HPD: variants seen among roughly 807,000 people sequenced by gnomAD.
HPD encodes 4-hydroxyphenylpyruvate dioxygenase.
HPD carries 35 observed loss-of-function variants against 56.9 expected under a neutral mutation model. That is an observed-to-expected ratio of 0.62 (90% CI 0.47 to 0.82). HPD has a LOEUF of 0.82. HPD is among the 40% of genes least tolerant of loss of function. The pLI is 0.00. For missense variants in HPD, 442 were observed against 506.8 expected (o/e 0.87, Z 1.23); for synonymous variants, 186 against 200.2 (o/e 0.93, Z 0.60).
upstream of HPD, among the ~76,000 whole-genome samples, chr12:121,862,067 T>C (rs1288148905): frequency 6.6e-6 from 1 of 152,108 alleles, no homozygotes; most frequent in East Asian, 1.9e-4. Flanking sequence ...GCTGTTTCAG[T>C]GTCAGCATGA....
upstream of HPD, among the ~76,000 whole-genome samples, chr12:121,861,167 C>CTTGTTTTT (rs1878163126): frequency 3.3e-5 from 5 of 152,114 alleles, no homozygotes; most frequent in South Asian, 1.0e-3. Context: ...GAAACACCGT[C>CTTGTTTTT]TCTACTAAAA....
At chr12:121,858,969 A>G, upstream of HPD, 1 of 873,546 alleles carries the variant, frequency 1.1e-6, no homozygotes, top group Non-Finnish European at 1.9e-6. Context: ...GGAAGGTTCC[A>G]GGCCTGGGGA....
chr12:121,879,624 T>C, the HPD span, among the ~76,000 whole-genome samples: 1 of 152,030 alleles, frequency 6.6e-6, no homozygotes, highest in Non-Finnish European at 1.5e-5. Context: ...GATCCTCCCA[T>C]CTCGGCCTGA....
intron 7 of HPD, 77 bp downstream of exon 7, chr12:121,854,626 A>T: frequency 1.0e-6 from 1 of 992,488 alleles, no homozygotes; most frequent in Non-Finnish European, 1.6e-6. Flanking sequence ...GGATGGTTTG[A>T]TGGAGTCAGC....
rs144416002 is a variant in HPD, at chr12:121,846,880, G to A, written c.813C>T (p.Thr271=). 609 of 1,614,084 alleles carry A rather than the reference G, an allele frequency of 3.8e-4. 2 individuals are homozygous for A. In the African/African-American group the frequency reaches 7.3e-3, roughly 19 times the overall value. The change falls in exon 11 of 14, where the codon ACC becomes ACT. Residue 271 remains threonine, a synonymous_variant. Transcript: ENST00000289004. The part of the protein sequence containing the change: ...GAGVQHIALK[T]EDIITAIRHL... The stretch of plus-strand genomic sequence containing the variant: ...TTCTAACCGCTGTGATGATGTCTTC[G>A]GTCTTGAGAGCGATGTGCTGGACCC...
Position 121,842,384 on chromosome 12 carries a change from A to G in HPD, c.954+1326T>C, listed in dbSNP as rs185121529. On this transcript the variant is annotated intron_variant, in intron 12 of 13. Transcript: ENST00000289004. ...GGCCTCAAGCAATCCTCTCACTTCAACCTCCCAAAATGCTGGGATTATAGG... is the reference window on the plus strand; with the variant it reads ...GGCCTCAAGCAATCCTCTCACTTCAGCCTCCCAAAATGCTGGGATTATAGG... Among the ~76,000 whole-genome samples the G allele has an allele frequency of 3.0e-4, 46 of 151,336 alleles. 1 individual carries two copies. The East Asian group carries it at 7.8e-3, about 26-fold the overall frequency.
At chr12:121,852,217 A>C (rs554861155) in intron 7 of HPD, among the ~76,000 whole-genome samples, 1 of 151,830 alleles carries the variant, frequency 6.6e-6, no homozygotes, top group East Asian at 1.9e-4. Context: ...ATGGGGTCTC[A>C]CTTTGTTGCG....
At chr12:121,870,755 C>T in the HPD span, among the ~76,000 whole-genome samples, 1 of 151,772 alleles carries the variant, frequency 6.6e-6, no homozygotes, top group Admixed American at 6.6e-5. Flanking sequence ...TGCCACCACA[C>T]CTGGCTAATT....
the HPD span, among the ~76,000 whole-genome samples, chr12:121,869,522 C>G: frequency 2.7e-5 from 4 of 150,828 alleles, no homozygotes; most frequent in African/African-American, 9.8e-5. Context: ...AATCCCTTAT[C>G]GAATATATTT....
At chr12:121,850,536 C>T (rs534405224) in intron 7 of HPD, among the ~76,000 whole-genome samples, 8 of 146,962 alleles carry the variant, frequency 5.4e-5, no homozygotes, top group African/African-American at 1.8e-4. Flanking sequence ...TGCATTGGCA[C>T]GATCTCGGCT....
At chr12:121,877,637 G>A in the HPD span, among the ~76,000 whole-genome samples, 1 of 152,158 alleles carries the variant, frequency 6.6e-6, no homozygotes, top group Admixed American at 6.6e-5. Flanking sequence ...GGAGGCTGAG[G>A]CACCAGAATA....
upstream of HPD, chr12:121,859,289 G>A (rs1419242916): frequency 1.2e-5 from 3 of 260,084 alleles, no homozygotes; most frequent in African/African-American, 6.6e-5. Flanking sequence ...GGCAGGAGAA[G>A]GTTTGCATCC....
chr12:121,878,587 G>A, the HPD span, among the ~76,000 whole-genome samples: 3 of 151,916 alleles, frequency 2.0e-5, no homozygotes, highest in Non-Finnish European at 4.4e-5. Flanking sequence ...GACCTCAAGT[G>A]ATCCACCCAC....
rs1354369340 is a variant in HPD at position 121,839,845 on chromosome 12, C to A, written c.1072-7G>T. 2 of 1,613,532 alleles carry A rather than the reference C, an allele frequency of 1.2e-6. No homozygotes were observed. The highest frequency in any genetic ancestry group is 2.7e-5 in the African/African-American group (2 of 74,924). ...AGTTGCCGGCTCCAAAACCCTGTGG[C>A]GGGAAAGAGAGGAGATGAGCCAAGG... On this transcript the variant is annotated splice_region_variant and splice_polypyrimidine_tract_variant and intron_variant, in intron 13 of 13. Transcript: ENST00000289004.
chr12:121,877,094 CA>C, the HPD span, among the ~76,000 whole-genome samples: 1,169 of 117,686 alleles, frequency 9.9e-3, 16 homozygotes, highest in East Asian at 0.052. Context: ...ACTCCATCTC[CA>C]AAAAAAAAAA....
chr12:121,873,766 G>A, the HPD span, among the ~76,000 whole-genome samples: 4 of 150,998 alleles, frequency 2.6e-5, no homozygotes, highest in African/African-American at 9.8e-5. Flanking sequence ...CTTGCAGTGA[G>A]CCGAGATCGC....
At chr12:121,886,084 C>T in the HPD span, among the ~76,000 whole-genome samples, 2 of 151,480 alleles carry the variant, frequency 1.3e-5, no homozygotes, top group African/African-American at 2.4e-5. Flanking sequence ...CGTAAGCCAC[C>T]GCACCTGGCC....
At chr12:121,840,110 C>T in intron 12 of HPD, 62 bp from the exon 13 acceptor site, 1 of 1,100,506 alleles carries the variant, frequency 9.1e-7, no homozygotes, top group South Asian at 1.2e-5. Context: ...TTGGAAAGTC[C>T]ACAGGGGCTC....
At chr12:121,878,773 A>T in the HPD span, among the ~76,000 whole-genome samples, 1 of 151,422 alleles carries the variant, frequency 6.6e-6, no homozygotes, top group Non-Finnish European at 1.5e-5. Context: ...TCCTGGGCTC[A>T]AGTGATCCTC....
Sources: allele counts gnomAD v4.1 joint callset (sites outside exome capture counted in the v4.1 genomes callset), GRCh38; gene constraint gnomAD v4.1.1; transcripts MANE v1.5; gene names NCBI Gene and HGNC (gene_info 2026-07-23, HGNC 2026-07-21).